The following XDH variants were observed in gnomAD, a reference collection of about 807,000 sequenced individuals.
XDH encodes the protein xanthine dehydrogenase/oxidase.
XDH carries 138 observed loss-of-function variants against 156.1 expected under a neutral mutation model. The observed-to-expected ratio is 0.88, with a 90% confidence interval of 0.77 to 1.02. The LOEUF (loss-of-function observed/expected upper bound fraction) is 1.02. XDH is among the 50% of genes least tolerant of loss of function. XDH has a pLI of 0.00. For synonymous variants in XDH, 669 were observed against 625.7 expected, an observed-to-expected ratio of 1.07 and a Z score of -1.03; for missense variants, 1,849 against 1,684.9, an observed-to-expected ratio of 1.10 and a Z score of -1.71.
At chr2:31,363,876 T>C (rs1313880339) in intron 24 of XDH, among the ~76,000 whole-genome samples, 1 of 152,130 alleles carries the variant, frequency 6.6e-6, no homozygotes, top group Non-Finnish European at 1.5e-5. Context: ...CATGCATATG[T>C]ACACACACAC....
chr2:31,337,535 T>C, intron 35 of XDH, 106 bp downstream of exon 35: 11 of 1,544,976 alleles, frequency 7.1e-6, no homozygotes, highest in South Asian at 1.1e-5. Context: ...GGCTGCCCGG[T>C]TAGGAGAGAG....
chr2:31,371,521 C>T (rs1464091602), intron 17 of XDH, among the ~76,000 whole-genome samples: 1 of 152,210 alleles, frequency 6.6e-6, no homozygotes, highest in African/African-American at 2.4e-5. Context: ...TGTCAACCCC[C>T]TCATCCTCTT....
intron 21 of XDH, 110 bp from the exon 22 acceptor site, chr2:31,366,219 G>C: frequency 6.3e-7 from 1 of 1,575,274 alleles, no homozygotes; most frequent in Non-Finnish European, 8.7e-7. Flanking sequence ...TGCGAATTCT[G>C]AAATTCCTTG....
At chr2:31,413,736 C>T (rs1687401881) in intron 1 of XDH, among the ~76,000 whole-genome samples, 1 of 152,186 alleles carries the variant, frequency 6.6e-6, no homozygotes, top group African/African-American at 2.4e-5. Context: ...ACAGTCCACA[C>T]AGTAAGTTAC....
In XDH at chr2:31,398,806, T is replaced by C. The variant is rs1441680679; in HGVS notation, c.307-107A>G. The C allele has an allele frequency of 3.8e-6, 6 of 1,562,448 alleles. No individual in the cohort carries two copies. In the African/African-American group the frequency reaches 8.1e-5, roughly 21 times the overall value. On this transcript the variant is annotated intron_variant, in intron 4 of 35. Coordinates refer to ENST00000379416, the MANE Select transcript of XDH (RefSeq NM_000379.4). ...TGTTGAGAGATAGTGGGGGTAGTAA[T>C]CACTGCACAGAGTCAAGCCCCAGTG... is the stretch of plus-strand genomic sequence containing the variant.
At chr2:31,413,227 G>A (rs1327747484) in intron 1 of XDH, among the ~76,000 whole-genome samples, 1 of 152,218 alleles carries the variant, frequency 6.6e-6, no homozygotes, top group Admixed American at 6.5e-5. Context: ...TCCAGAGATG[G>A]CTTTGTGTAA....
At chr2:31,339,818 C>T in intron 33 of XDH, 141 bp from the exon 34 acceptor site, 1 of 1,090,718 alleles carries the variant, frequency 9.2e-7, no homozygotes, top group South Asian at 1.4e-5. Context: ...TTACCTGGCT[C>T]CCGCCTCAGC....
chr2:31,386,379 C>G (rs1364191096), intron 9 of XDH, 35 bp downstream of exon 9: 9 of 1,608,124 alleles, frequency 5.6e-6, no homozygotes, highest in South Asian at 4.4e-5. Context: ...CCCCAGACCC[C>G]CTGGCAGCCC....
intron 6 of XDH, among the ~76,000 whole-genome samples, chr2:31,392,164 A>G (rs544617222): frequency 6.6e-6 from 1 of 151,822 alleles, no homozygotes; most frequent in Non-Finnish European, 1.5e-5. Flanking sequence ...TTTTATTTTG[A>G]TATTAGTAAC....
At chr2:31,349,113 C>A (rs1017363607) in intron 26 of XDH, 133 bp from the exon 27 acceptor site, 10 of 826,592 alleles carry the variant, frequency 1.2e-5, no homozygotes, top group Middle Eastern at 6.9e-4. Flanking sequence ...TGGTGCACAG[C>A]CCACACCAGG....
rs1471591573 is a variant in XDH at position 31,386,558 on chromosome 2, G to T, written c.652-3C>A. The T allele has an allele frequency of 1.2e-6, 2 of 1,614,104 alleles. No individual in the cohort carries two copies. Among genetic ancestry groups the T allele is most frequent in the African/African-American group, 1.3e-5 (1 of 75,028 alleles). ...TTCCGAGGAGTGTCTTTCAGCCTCT[G>T]GGAAATGCAGTTTTCTTACTACACT... is the stretch of plus-strand genomic sequence containing the variant. On this transcript the variant is annotated splice_region_variant and splice_polypyrimidine_tract_variant and intron_variant, in intron 8 of 35. Transcript: ENST00000379416.
rs1209146751 is a variant in XDH at position 31,386,165 on chromosome 2, G to A, written c.793+249C>T. Among the ~76,000 whole-genome samples the A allele has an allele frequency of 2.0e-5, 3 of 152,292 alleles. No homozygotes were observed. In the East Asian group the frequency reaches 5.8e-4, roughly 29 times the overall value. On this transcript the variant is annotated intron_variant, in intron 9 of 35. Transcript: ENST00000379416. ...TAAAAAACAGAAAATGAGGGTAGAT[G>A]AGGACAAGCAACTTTTCTGAGGTCA... is the stretch of plus-strand genomic sequence containing the variant.
chr2:31,351,340 G>A (rs1196768223), intron 24 of XDH, among the ~76,000 whole-genome samples: 1 of 151,984 alleles, frequency 6.6e-6, no homozygotes, highest in South Asian at 2.1e-4. Flanking sequence ...CCAACTTAAA[G>A]TTTTCCCCAA....
intron 12 of XDH, among the ~76,000 whole-genome samples, chr2:31,381,340 A>G (rs772304098): frequency 5.9e-5 from 9 of 152,208 alleles, no homozygotes; most frequent in African/African-American, 9.6e-5. Context: ...CAAATGGTTC[A>G]CAGAATTCCT....
Position 31,394,312 on chromosome 2 carries a change from G to GT in XDH, c.495+3355dup, listed in dbSNP as rs200489392. On this transcript the variant is annotated intron_variant, in intron 6 of 35. Transcript: ENST00000379416. ...AGGTTACAGAATTTTAGGTGCTTTGGTTTTTTCTTTCAATACTTTAAGTAT... is the reference window on the plus strand; with the variant it reads ...AGGTTACAGAATTTTAGGTGCTTTGGTTTTTTTCTTTCAATACTTTAAGTAT... 5.1e-3 allele frequency among the ~76,000 whole-genome samples: 779 copies of GT among 152,136 alleles called. 9 individuals are homozygous for GT. The highest frequency in any genetic ancestry group is 0.018 in the African/African-American group (739 of 41,522).
At chr2:31,358,026 G>C (rs1416207649) in intron 24 of XDH, among the ~76,000 whole-genome samples, 1 of 151,604 alleles carries the variant, frequency 6.6e-6, no homozygotes, top group Non-Finnish European at 1.5e-5. Context: ...CTCTAGGACA[G>C]ATCAACGAGA....
intron 24 of XDH, 22 bp from the exon 25 acceptor site, chr2:31,350,245 T>A: frequency 6.2e-7 from 1 of 1,613,888 alleles, no homozygotes; most frequent in Non-Finnish European, 8.5e-7. Context: ...GAAACAAAAA[T>A]GGGAGAGAAC....
At chr2:31,390,949 G>T (rs905783778) in intron 6 of XDH, among the ~76,000 whole-genome samples, 3 of 152,064 alleles carry the variant, frequency 2.0e-5, no homozygotes, top group Non-Finnish European at 4.4e-5. Context: ...CCAGTGTACC[G>T]CTTGTCTCCT....
intron 14 of XDH, among the ~76,000 whole-genome samples, chr2:31,376,018 A>T (rs910105993): frequency 6.6e-6 from 1 of 152,198 alleles, no homozygotes; most frequent in African/African-American, 2.4e-5. Context: ...TATTGATCCT[A>T]TGTGGGTGCT....
Sources: allele counts gnomAD v4.1 joint callset (sites outside exome capture counted in the v4.1 genomes callset), GRCh38; gene constraint gnomAD v4.1.1; transcripts MANE v1.5; gene names NCBI Gene and HGNC (gene_info 2026-07-23, HGNC 2026-07-21).